The following PEX5L variants were observed in gnomAD, a reference collection of about 807,000 sequenced individuals.
PEX5L encodes peroxisomal biogenesis factor 5 like.
In PEX5L, 30 loss-of-function variants were observed where a neutral mutation model predicts 84.0. That is an observed-to-expected ratio of 0.36 (90% confidence interval 0.27 to 0.48). The LOEUF (loss-of-function observed/expected upper bound fraction) is 0.48, where lower values mean the gene tolerates loss of function less well. PEX5L is among the 20% of genes least tolerant of loss of function. The pLI is 0.99. For synonymous variants in PEX5L, 270 were observed against 283.1 expected, an observed-to-expected ratio of 0.95 and a Z score of 0.46; for missense variants, 533 against 754.6, an observed-to-expected ratio of 0.71 and a Z score of 3.44.
chr3:179,994,331 T>C (rs1017140888), intron 1 of PEX5L, among the ~76,000 whole-genome samples: 2 of 152,258 alleles, frequency 1.3e-5, no homozygotes, highest in African/African-American at 4.8e-5. Flanking sequence ...ACCTTCAGAT[T>C]AACCTTTGCC....
intron 1 of PEX5L, among the ~76,000 whole-genome samples, chr3:180,030,498 C>CT (rs1391637040): frequency 3.9e-5 from 6 of 152,178 alleles, no homozygotes; most frequent in African/African-American, 1.2e-4. Context: ...CCTTCAAATA[C>CT]TTATATAGAG....
intron 14 of PEX5L, among the ~76,000 whole-genome samples, chr3:179,807,346 T>A (rs771915431): frequency 3.5e-4 from 54 of 152,178 alleles, no homozygotes; most frequent in Non-Finnish European, 5.4e-4. Context: ...GTACTATTTC[T>A]TGAAGAGTTG....
At chr3:179,907,328 T>C (rs1338939301) in intron 2 of PEX5L, among the ~76,000 whole-genome samples, 1 of 152,168 alleles carries the variant, frequency 6.6e-6, no homozygotes, top group African/African-American at 2.4e-5. Context: ...TTCTTTGTTT[T>C]AGTTTTGAGA....
rs1716916227 is a variant in PEX5L, at chr3:179,796,268, A to T, written c.*5560T>A. On this transcript the variant is annotated 3_prime_UTR_variant, in exon 15 of 15. Transcript: ENST00000467460. Reference sequence around the variant, plus strand: ...TTGTTGTTGTTTCCATCTTAATATTATTTTGAGTGCAGGCTTCTATTAAGT... The same window carrying T: ...TTGTTGTTGTTTCCATCTTAATATTTTTTTGAGTGCAGGCTTCTATTAAGT... The T allele has an allele frequency of 1.3e-5, 2 of 151,768 alleles. No homozygotes were observed. The highest frequency in any genetic ancestry group is 1.3e-4 in the Admixed American group (2 of 15,218). The allele number at this position is 151,768 out of a possible 1,614,324, so 9.4% of individuals were successfully genotyped here.
chr3:179,970,825 T>C (rs988849596), intron 2 of PEX5L, among the ~76,000 whole-genome samples: 1 of 152,136 alleles, frequency 6.6e-6, no homozygotes, highest in Non-Finnish European at 1.5e-5. Flanking sequence ...TTTGAATTAT[T>C]TCTCTCTCTA....
intron 14 of PEX5L, among the ~76,000 whole-genome samples, chr3:179,803,791 T>C (rs998786320): frequency 6.6e-6 from 1 of 152,208 alleles, no homozygotes; most frequent in Non-Finnish European, 1.5e-5. Context: ...CTCATCTATA[T>C]TGTTAGATCT....
intron 1 of PEX5L, among the ~76,000 whole-genome samples, chr3:180,010,746 A>C (rs1480848902): frequency 6.6e-6 from 1 of 152,032 alleles, no homozygotes; most frequent in Non-Finnish European, 1.5e-5. Flanking sequence ...ATTTCATTAG[A>C]AGACTTCAAT....
At chr3:179,923,060 C>A (rs1027436814) in intron 2 of PEX5L, among the ~76,000 whole-genome samples, 2 of 151,808 alleles carry the variant, frequency 1.3e-5, no homozygotes, top group Admixed American at 1.3e-4. Flanking sequence ...GAGGCCGAGG[C>A]GGGCGGATCA....
intron 2 of PEX5L, among the ~76,000 whole-genome samples, chr3:179,965,104 G>A (rs1783012895): frequency 6.6e-6 from 1 of 152,228 alleles, no homozygotes; most frequent in African/African-American, 2.4e-5. Flanking sequence ...ACATGGCATG[G>A]CAGAAGAGCT....
intron 7 of PEX5L, among the ~76,000 whole-genome samples, chr3:179,870,694 A>G (rs1418080572): frequency 6.6e-6 from 1 of 152,150 alleles, no homozygotes; most frequent in African/African-American, 2.4e-5. Context: ...TTTAGGCTCC[A>G]ATCATCTGGG....
chr3:179,906,703 C>T (rs1763342711), intron 2 of PEX5L, among the ~76,000 whole-genome samples: 1 of 152,000 alleles, frequency 6.6e-6, no homozygotes, highest in Admixed American at 6.6e-5. Flanking sequence ...AGATCATTTG[C>T]AAACAGGCAT....
At position 179,874,327 on chromosome 3, in the gene PEX5L, C is replaced by A; in HGVS notation, c.726G>T (p.Gln242His). The A allele has an allele frequency of 1.3e-6, 2 of 1,577,900 alleles. No homozygotes were observed. Among genetic ancestry groups the A allele is most frequent in the Non-Finnish European group, 1.7e-6 (2 of 1,147,742 alleles). Residue 242 changes from glutamine to histidine, a missense_variant and splice_region_variant, in exon 7 of 15, where the codon CAG becomes CAT. By Grantham distance (24) the Gln-to-His change is conservative. This residue lies in a region of PEX5L where 259 missense variants were observed against 301.7 expected (regional missense o/e 0.86). Coordinates refer to ENST00000467460, the MANE Select transcript of PEX5L (RefSeq NM_016559.3). ...TTCATTGAATAATCAGTTTTGTTAC[C>A]TGAGTCGGAGCCACTAATTCCAATT... ...ASELELVAPT[Q>H]ARLTKEHRWG...
At chr3:179,956,904 T>C (rs1467124694) in intron 2 of PEX5L, among the ~76,000 whole-genome samples, 3 of 13,322 alleles carry the variant, frequency 2.3e-4, no homozygotes, top group East Asian at 0.029. Context: ...TGTACATGAT[T>C]TTTTTTTGCA....
chr3:179,870,727 G>A (rs1750022667), intron 7 of PEX5L, among the ~76,000 whole-genome samples: 1 of 152,078 alleles, frequency 6.6e-6, no homozygotes, highest in Non-Finnish European at 1.5e-5. Flanking sequence ...TTCATACTTT[G>A]TGTGACTCTC....
At chr3:179,802,589 T>C (rs1347535488) in intron 14 of PEX5L, among the ~76,000 whole-genome samples, 1 of 145,682 alleles carries the variant, frequency 6.9e-6, no homozygotes, top group Non-Finnish European at 1.5e-5. Context: ...ATTTTAGGAA[T>C]GTCACGTGGG....
intron 2 of PEX5L, among the ~76,000 whole-genome samples, chr3:179,932,071 C>T (rs1773269364): frequency 6.6e-6 from 1 of 152,062 alleles, no homozygotes; most frequent in South Asian, 2.1e-4. Context: ...AAGCAACATA[C>T]CTGTCTATAA....
intron 2 of PEX5L, among the ~76,000 whole-genome samples, chr3:179,970,839 C>T (rs913232462): frequency 6.6e-6 from 1 of 152,116 alleles, no homozygotes; most frequent in East Asian, 1.9e-4. Flanking sequence ...CTCTCTACAG[C>T]TTTTGCGTCG....
chr3:179,908,282 C>T (rs1763947124), intron 2 of PEX5L, among the ~76,000 whole-genome samples: 2 of 152,074 alleles, frequency 1.3e-5, no homozygotes, highest in Admixed American at 1.3e-4. Context: ...CAGCGTGTAG[C>T]TGGGGGTGGT....
At chr3:179,991,119 G>A (rs1003646172) in intron 1 of PEX5L, among the ~76,000 whole-genome samples, 2 of 152,102 alleles carry the variant, frequency 1.3e-5, no homozygotes, top group African/African-American at 4.8e-5. Flanking sequence ...ACTCCTGGCA[G>A]CCTGCTTCCT....
Sources: allele counts gnomAD v4.1 joint callset (sites outside exome capture counted in the v4.1 genomes callset), GRCh38; gene constraint gnomAD v4.1.1; regional missense constraint gnomAD v4.1.1; transcripts MANE v1.5; gene names NCBI Gene and HGNC (gene_info 2026-07-23, HGNC 2026-07-21).